Variants in ALDH1A3 observed in about 807,000 individuals in gnomAD.
ALDH1A3 encodes retinaldehyde dehydrogenase 3.
ALDH1A3 carries 28 observed loss-of-function variants against 57.5 expected under a neutral mutation model. That is an observed-to-expected ratio of 0.49 (90% CI 0.36 to 0.67). The LOEUF is 0.67. ALDH1A3 is among the 30% of genes least tolerant of loss of function. The probability of loss-of-function intolerance (pLI) is 0.00; values close to 1 mark genes in which losing one functional copy is unlikely to be tolerated. For missense variants in ALDH1A3, 507 were observed against 669.4 expected (o/e 0.76, Z 2.68); for synonymous variants, 281 against 264.8 (o/e 1.06, Z -0.59).
intron 3 of ALDH1A3, chr15:100,892,173 C>T (rs1420652649): frequency 2.4e-5 from 7 of 296,392 alleles, no homozygotes; most frequent in Non-Finnish European, 4.4e-5. Flanking sequence ...CACTGTGCTA[C>T]AGATGGAAGA....
intron 3 of ALDH1A3, among the ~76,000 whole-genome samples, chr15:100,890,895 G>A (rs574950510): frequency 4.6e-5 from 7 of 152,292 alleles, no homozygotes; most frequent in South Asian, 2.1e-4. Context: ...GAAAGTTCAC[G>A]CTTGAGTGAA....
intron 3 of ALDH1A3, 190 bp from the exon 4 acceptor site, chr15:100,892,320 A>G (rs1159527655): frequency 2.8e-6 from 2 of 706,794 alleles, no homozygotes; most frequent in Non-Finnish European, 4.4e-6. Context: ...AATAAAAGCA[A>G]TCCTCACACT....
At position 100,893,998 on chromosome 15, in the gene ALDH1A3, C is replaced by A. The variant is rs371899693; in HGVS notation, c.582C>A (p.Ala194=). The change falls in exon 6 of 13, where the codon GCC becomes GCA. Residue 194 remains alanine, a synonymous_variant. Transcript: ENST00000329841. This position sits in a 1 kb window ranked among gnomAD's most constrained non-coding sequence, Gnocchi z 4.8. ...TGCTGGTGTGGAAGCTGGCACCCGC[C>A]CTCTGCTGTGGGAACACCATGGTCC... is the stretch of plus-strand genomic sequence containing the variant. ...LLMLVWKLAP[A]LCCGNTMVLK... is the part of the protein sequence containing the mutation. 15 of 1,614,222 alleles carry A rather than the reference C, an allele frequency of 9.3e-6. No homozygotes were observed. The African/African-American group carries it at 2.0e-4, about 22-fold the overall frequency.
At chr15:100,914,551 G>A (rs929869673) in intron 12 of ALDH1A3, 150 bp from the exon 13 acceptor site, 5 of 643,576 alleles carry the variant, frequency 7.8e-6, no homozygotes, top group Non-Finnish European at 1.4e-5. Context: ...TGCTGTTATA[G>A]TCCTGGCTAT....
At chr15:100,909,558 T>C (rs1390329953) in intron 12 of ALDH1A3, among the ~76,000 whole-genome samples, 1 of 142,462 alleles carries the variant, frequency 7.0e-6, no homozygotes, top group South Asian at 2.4e-4. Flanking sequence ...TCCGTGTGTG[T>C]AAACCCACTG....
chr15:100,907,844 CTTT>C (rs71151987), intron 11 of ALDH1A3, among the ~76,000 whole-genome samples: 2 of 81,910 alleles, frequency 2.4e-5, no homozygotes, highest in Non-Finnish European at 4.3e-5. Flanking sequence ...TTCTTTCTTT[CTTT>C]TTTTTTTTTT....
At chr15:100,880,495 T>C in intron 1 of ALDH1A3, 1 of 318,768 alleles carries the variant, frequency 3.1e-6, no homozygotes, top group East Asian at 5.0e-5. Flanking sequence ...GTTGGAAGAC[T>C]GGGGAAGCGG....
intron 12 of ALDH1A3, among the ~76,000 whole-genome samples, chr15:100,909,245 C>T (rs1281505426): frequency 9.7e-6 from 1 of 103,136 alleles, no homozygotes; most frequent in East Asian, 3.7e-4. Context: ...CTGCAAACCC[C>T]TCCGTGTGTG....
intron 6 of ALDH1A3, 156 bp from the exon 7 acceptor site, chr15:100,895,777 G>T (rs998884507): frequency 4.6e-6 from 3 of 646,506 alleles, no homozygotes; most frequent in Non-Finnish European, 8.4e-6. Context: ...AGCTCCCAGG[G>T]TGCCCACGGT....
At position 100,903,233 on chromosome 15, in the gene ALDH1A3, A is replaced by G. The variant is rs1008925815; in HGVS notation, c.1069-2290A>G. Among the ~76,000 whole-genome samples the G allele has an allele frequency of 4.6e-5, 7 of 150,956 alleles. No individual in the cohort carries two copies. The South Asian group carries it at 6.3e-4, about 14-fold the overall frequency. On this transcript the variant is annotated intron_variant, in intron 9 of 12. Transcript: ENST00000329841. ...TTAGTTCCTCATGTTTCCCTCTAGAATGTTTTCGTGTGCATGCAAGCAGAT... is the reference window on the plus strand; with the variant it reads ...TTAGTTCCTCATGTTTCCCTCTAGAGTGTTTTCGTGTGCATGCAAGCAGAT...
At chr15:100,910,052 G>A (rs1377438288) in intron 12 of ALDH1A3, among the ~76,000 whole-genome samples, 1 of 152,202 alleles carries the variant, frequency 6.6e-6, no homozygotes, top group African/African-American at 2.4e-5. Flanking sequence ...TAAAGATGCT[G>A]TGAAGGGATG....
chr15:100,895,467 GA>G (rs2041692359), intron 6 of ALDH1A3: 1 of 156,716 alleles, frequency 6.4e-6, no homozygotes, highest in Admixed American at 6.2e-5. Context: ...AAAAAAAGAA[GA>G]AAAAACAAAA....
chr15:100,880,256 C>T (rs906353733), intron 1 of ALDH1A3: 6 of 388,698 alleles, frequency 1.5e-5, no homozygotes, highest in Non-Finnish European at 2.3e-5. Context: ...AGCGCCCGCG[C>T]GGGGCCGGGC....
intron 12 of ALDH1A3, 137 bp from the exon 13 acceptor site, chr15:100,914,564 T>C: frequency 1.4e-6 from 1 of 701,012 alleles, no homozygotes; most frequent in Non-Finnish European, 2.4e-6. Context: ...CTGGCTATTA[T>C]TCCATGAGGT....
At chr15:100,896,863 C>T (rs2041709523) in intron 7 of ALDH1A3, among the ~76,000 whole-genome samples, 1 of 152,154 alleles carries the variant, frequency 6.6e-6, no homozygotes, top group Admixed American at 6.5e-5. Flanking sequence ...GAAAATTACC[C>T]ACAATATTTT....
chr15:100,887,812 G>T lies in ALDH1A3; in HGVS notation c.345+100G>T. On this transcript the variant is annotated intron_variant, in intron 3 of 12. Coordinates refer to ENST00000329841, the MANE Select transcript of ALDH1A3 (RefSeq NM_000693.4). This position sits in a 1 kb window ranked among gnomAD's most constrained non-coding sequence, Gnocchi z 4.6. Reference sequence around the variant, plus strand: ...GAAAAAAGATCACGGTCCTGGTTTTGTGTGGTCGTGGGTCTGTTCCATCCT... The same window carrying T: ...GAAAAAAGATCACGGTCCTGGTTTTTTGTGGTCGTGGGTCTGTTCCATCCT... 7.0e-7 allele frequency: 1 copy of T among 1,422,466 alleles called. No homozygotes were observed. Among genetic ancestry groups the T allele is most frequent in the Non-Finnish European group, 9.3e-7 (1 of 1,074,096 alleles). 88.1% of individuals were successfully genotyped at this position (1,422,466 alleles called of 1,614,324 possible).
At chr15:100,885,771 G>GA (rs1270714052) in intron 2 of ALDH1A3, among the ~76,000 whole-genome samples, 3 of 151,018 alleles carry the variant, frequency 2.0e-5, no homozygotes, top group African/African-American at 4.9e-5. Context: ...AGACACTTTA[G>GA]AAAAAAATAG....
chr15:100,907,544 C>T (rs2041834268), intron 11 of ALDH1A3, among the ~76,000 whole-genome samples: 1 of 152,208 alleles, frequency 6.6e-6, no homozygotes, highest in Non-Finnish European at 1.5e-5. Context: ...GGCTCCAGTA[C>T]CTGTGCCTGT....
intron 2 of ALDH1A3, among the ~76,000 whole-genome samples, chr15:100,885,968 T>C (rs753511085): frequency 2.6e-5 from 4 of 152,204 alleles, no homozygotes; most frequent in Non-Finnish European, 5.9e-5. Context: ...ATGTGTCCTT[T>C]ATACATTGCA....
Sources: gnomAD v4.1 joint callset for allele counts (sites outside exome capture counted in the v4.1 genomes callset) on GRCh38, gnomAD v4.1.1 for gene constraint, Gnocchi (gnomAD v3.1) non-coding constraint, MANE v1.5 for transcripts, NCBI Gene and HGNC (gene_info 2026-07-23, HGNC 2026-07-21) for gene names.